PTGES3: variants seen among roughly 807,000 people sequenced by gnomAD.
PTGES3 encodes Hsp90 co-chaperone.
In PTGES3, 5 loss-of-function variants were observed where a neutral mutation model predicts 29.9. The observed-to-expected ratio is 0.17, with a 90% confidence interval of 0.09 to 0.35. PTGES3 has a LOEUF of 0.35. PTGES3 is among the 10% of genes least tolerant of loss of function. The probability of loss-of-function intolerance (pLI) is 1.00; values close to 1 mark genes in which losing one functional copy is unlikely to be tolerated. For synonymous variants in PTGES3, 49 were observed against 57.8 expected (o/e 0.85, Z 0.69); for missense variants, 128 against 190.0 (o/e 0.67, Z 1.92).
intron 1 of PTGES3, among the ~76,000 whole-genome samples, chr12:56,680,789 T>C (rs1312016793): frequency 6.6e-6 from 1 of 151,966 alleles, no homozygotes; most frequent in Non-Finnish European, 1.5e-5. Flanking sequence ...AAGTTTTTTT[T>C]TTTTTTTGAG....
At chr12:56,665,649 T>C (rs368891315) in intron 6 of PTGES3, 1 of 984,584 alleles carries the variant, frequency 1.0e-6, no homozygotes, top group African/African-American at 1.7e-5. Context: ...CTGACTCTCT[T>C]CTTTCTTTTT....
At chr12:56,682,608 T>C (rs972973682) in intron 1 of PTGES3, among the ~76,000 whole-genome samples, 1 of 150,922 alleles carries the variant, frequency 6.6e-6, no homozygotes, top group Admixed American at 6.6e-5. Flanking sequence ...ATACCAAGGA[T>C]CGGGTGCAGC....
At position 56,672,764 on chromosome 12, in the gene PTGES3, A is replaced by G. The variant is rs139532897; in HGVS notation, c.162T>C (p.Asp54=). 14 of 1,589,552 alleles carry G rather than the reference A, an allele frequency of 8.8e-6. No individual in the cohort carries two copies. In the African/African-American group the frequency reaches 1.8e-4, roughly 20 times the overall value. ...SDNFKHLNEI[D]LFHCIDPNDS... ...CATTTGGATCAATACAGTGAAAAAG[A>G]TCAATTTCATTTAAATGCTTAAAAT... The change falls in exon 3 of 8, where the codon GAT becomes GAC. Residue 54 remains aspartate (D), a synonymous_variant. Coordinates refer to ENST00000262033, the MANE Select transcript of PTGES3 (RefSeq NM_006601.7).
chr12:56,680,858 G>C (rs1262892187), intron 1 of PTGES3, among the ~76,000 whole-genome samples: 1 of 150,882 alleles, frequency 6.6e-6, no homozygotes, highest in Non-Finnish European at 1.5e-5. Context: ...AGCTCACACA[G>C]CCTTGACTTC....
At chr12:56,687,550 C>T (rs530520563) in intron 1 of PTGES3, 8 of 1,011,140 alleles carry the variant, frequency 7.9e-6, no homozygotes. Flanking sequence ...CCGCCAGGCA[C>T]CTGGCGGCAC....
chr12:56,685,508 C>G (rs1952795190), intron 1 of PTGES3, among the ~76,000 whole-genome samples: 1 of 150,472 alleles, frequency 6.6e-6, no homozygotes, highest in South Asian at 2.1e-4. Flanking sequence ...TCAAGCCATT[C>G]TCTTGCCTTA....
At chr12:56,676,631 T>C (rs903309400) in intron 1 of PTGES3, among the ~76,000 whole-genome samples, 1 of 151,650 alleles carries the variant, frequency 6.6e-6, no homozygotes, top group African/African-American at 2.4e-5. Flanking sequence ...GCCACAAGAG[T>C]TGCTTGATAG....
rs1422578136 is a variant in PTGES3, at chr12:56,683,842, C to T, written c.2+4156G>A. 2.7e-5 allele frequency among the ~76,000 whole-genome samples: 4 copies of T among 149,554 alleles called. No individual in the cohort carries two copies. The South Asian group carries it at 8.5e-4, about 32-fold the overall frequency. On this transcript the variant is annotated intron_variant, in intron 1 of 7. Coordinates refer to ENST00000262033, the MANE Select transcript of PTGES3 (RefSeq NM_006601.7). Reference sequence around the variant, plus strand: ...GGCGAGGTGGCGGGTGCCTGTAGTCCCAGCTACTCGGGAGGCTGAGGCAAG... The same window carrying T: ...GGCGAGGTGGCGGGTGCCTGTAGTCTCAGCTACTCGGGAGGCTGAGGCAAG...
chr12:56,687,973 T>A, intron 1 of PTGES3, 25 bp downstream of exon 1: 1 of 1,601,400 alleles, frequency 6.2e-7, no homozygotes, highest in Non-Finnish European at 8.5e-7. Flanking sequence ...TCGGCGACCT[T>A]CCCTCGGCGG....
At position 56,670,373 on chromosome 12, in the gene PTGES3, C is replaced by G; in HGVS notation, c.286-9G>C. On this transcript the variant is annotated splice_polypyrimidine_tract_variant and intron_variant, in intron 4 of 7. Coordinates refer to ENST00000262033, the MANE Select transcript of PTGES3 (RefSeq NM_006601.7). The stretch of plus-strand genomic sequence containing the variant: ...ACACTAAGCCAATTAAGCTATAAAT[C>G]AATACAAATATCACCCTAAGATTAG... 6.3e-7 allele frequency: 1 copy of G among 1,581,478 alleles called. No homozygotes were observed. Among genetic ancestry groups the G allele is most frequent in the Non-Finnish European group, 8.7e-7 (1 of 1,150,236 alleles).
chr12:56,682,579 A>C (rs1248655966), intron 1 of PTGES3, among the ~76,000 whole-genome samples: 1 of 151,916 alleles, frequency 6.6e-6, no homozygotes, highest in Non-Finnish European at 1.5e-5. Context: ...TATTCCCGGA[A>C]AACCGCAAGT....
At chr12:56,676,863 G>A (rs11838315) in intron 1 of PTGES3, among the ~76,000 whole-genome samples, 10,693 of 138,768 alleles carry the variant, frequency 0.077, 956 homozygotes, top group African/African-American at 0.22. Context: ...GGAGGTTGCA[G>A]TGAGCTGAGA....
chr12:56,678,146 T>A (rs1383520126), intron 1 of PTGES3, among the ~76,000 whole-genome samples: 3 of 152,174 alleles, frequency 2.0e-5, no homozygotes, highest in African/African-American at 7.2e-5. Context: ...CTTTGATGTC[T>A]CATTCCTCAC....
intron 5 of PTGES3, among the ~76,000 whole-genome samples, chr12:56,666,559 T>C (rs961520807): frequency 6.6e-6 from 1 of 152,176 alleles, no homozygotes; most frequent in African/African-American, 2.4e-5. Context: ...CTCTGGTGGT[T>C]AAGGAAAAGA....
chr12:56,687,766 C>A, intron 1 of PTGES3: 1 of 1,379,212 alleles, frequency 7.3e-7, no homozygotes, highest in East Asian at 3.0e-5. Flanking sequence ...AGTAGGATTT[C>A]CGGCATGGGG....
At position 56,687,981 on chromosome 12, in the gene PTGES3, C is replaced by G. The variant is rs574785198; in HGVS notation, c.2+17G>C. On this transcript the variant is annotated intron_variant, in intron 1 of 7. Transcript: ENST00000262033. ...GCCTCACTCGGCGACCTTCCCTCGG[C>G]GGGGTGTCGCACTCACATTGTGAAC... 6.8e-5 allele frequency: 109 copies of G among 1,599,954 alleles called. No homozygotes were observed. The highest frequency in any genetic ancestry group is 5.7e-4 in the African/African-American group (42 of 73,904).
chr12:56,669,216 C>T lies in PTGES3; in HGVS notation c.375+1059G>A, dbSNP rs140745992. Among the ~76,000 whole-genome samples the T allele has an allele frequency of 3.1e-3, 474 of 151,536 alleles. 3 individuals carry two copies. The highest frequency in any genetic ancestry group is 0.01 in the African/African-American group (419 of 41,318). The stretch of plus-strand genomic sequence containing the variant: ...ATTTAATTATTTATTAATTTAGAGA[C>T]GGCGTTTTGCTCTTGTTGCCCAGAC... On this transcript the variant is annotated intron_variant, in intron 5 of 7. Transcript: ENST00000262033.
intron 6 of PTGES3, chr12:56,665,892 A>G (rs990964075): frequency 7.3e-6 from 7 of 964,854 alleles, no homozygotes; most frequent in African/African-American, 7.0e-5. Flanking sequence ...GCCTGCTGGG[A>G]TAACAGACAT....
chr12:56,686,277 G>A (rs915968516), intron 1 of PTGES3, among the ~76,000 whole-genome samples: 3 of 152,138 alleles, frequency 2.0e-5, no homozygotes, highest in Admixed American at 6.6e-5. Context: ...TCCCCTTACA[G>A]ATTTTCAGAG....
Sources: allele counts gnomAD v4.1 joint callset (sites outside exome capture counted in the v4.1 genomes callset), GRCh38; gene constraint gnomAD v4.1.1; transcripts MANE v1.5; gene names NCBI Gene and HGNC (gene_info 2026-07-23, HGNC 2026-07-21).